The following NAV1 variants were observed in gnomAD, a reference collection of about 807,000 sequenced individuals.
NAV1 encodes the protein pore membrane and/or filament interacting like protein 3.
Under a neutral mutation model 175.2 loss-of-function variants are expected in NAV1, and 18 were observed. The observed-to-expected ratio is 0.10, with a 90% confidence interval of 0.07 to 0.15. NAV1 has a LOEUF of 0.15. NAV1 is among the 10% of genes least tolerant of loss of function. The probability of loss-of-function intolerance (pLI) is 1.00; values close to 1 mark genes in which losing one functional copy is unlikely to be tolerated. For missense variants in NAV1, 1,731 were observed against 2,436.6 expected (o/e 0.71, Z 6.10); for synonymous variants, 897 against 978.7 (o/e 0.92, Z 1.56).
intron 1 of NAV1, among the ~76,000 whole-genome samples, chr1:201,549,482 T>G (rs916053072): frequency 1.3e-5 from 2 of 152,190 alleles, no homozygotes; most frequent in Non-Finnish European, 2.9e-5. Context: ...GTTCTGGGAT[T>G]ACAGGCATGC....
chr1:201,641,624 A>C (rs1558030929), intron 2 of NAV1, among the ~76,000 whole-genome samples: 1 of 152,238 alleles, frequency 6.6e-6, no homozygotes, highest in Non-Finnish European at 1.5e-5. Flanking sequence ...TCTGCTAGGC[A>C]GGTGATGAGG....
intron 1 of NAV1, among the ~76,000 whole-genome samples, chr1:201,657,179 G>A (rs1047850263): frequency 1.1e-4 from 17 of 152,234 alleles, no homozygotes; most frequent in Non-Finnish European, 8.8e-5. Flanking sequence ...CTTGGTAAGT[G>A]AAAGTCATTG....
chr1:201,784,797 T>C (rs537002240), intron 7 of NAV1, among the ~76,000 whole-genome samples: 27 of 151,986 alleles, frequency 1.8e-4, no homozygotes, highest in Non-Finnish European at 3.4e-4. Context: ...GACGGAGTCT[T>C]GCTCTGTCGC....
At chr1:201,790,617 T>C in intron 12 of NAV1, 40 bp downstream of exon 16, 1 of 1,614,038 alleles carries the variant, frequency 6.2e-7, no homozygotes, top group Non-Finnish European at 8.5e-7. Context: ...TTAACATCAC[T>C]GCACCTCATT....
At position 201,812,049 on chromosome 1, in the gene NAV1, A is replaced by T. The variant is rs1031375038; in HGVS notation, c.5024+75A>T. ...CAATCCTGGACTCTGGCCAGGAGGCAGTAGATAGGAGAAGGAAAGAGAAGT... is the reference window on the plus strand; with the variant it reads ...CAATCCTGGACTCTGGCCAGGAGGCTGTAGATAGGAGAAGGAAAGAGAAGT... On this transcript the variant is annotated intron_variant, in intron 26 of 29. Coordinates refer to ENST00000367296, the Ensembl canonical transcript of NAV1. The surrounding 1 kb of genome is among the most constrained non-coding windows in gnomAD (Gnocchi z 4.6). The T allele has an allele frequency of 2.7e-5, 36 of 1,352,642 alleles. No individual in the cohort carries two copies. Among genetic ancestry groups the T allele is most frequent in the Non-Finnish European group, 3.6e-5 (34 of 943,912 alleles). The allele number at this position is 1,352,642 out of a possible 1,614,324, so 83.8% of individuals were successfully genotyped here. A position where few individuals can be genotyped will look rare whatever the true frequency, so the allele number is the denominator to read the frequency against.
chr1:201,699,290 C>T (rs1671313094), intron 1 of NAV1, among the ~76,000 whole-genome samples: 5 of 152,242 alleles, frequency 3.3e-5, no homozygotes, highest in African/African-American at 9.6e-5. Context: ...TTCCTATACA[C>T]CAATAACAGA....
intron 15 of NAV1, among the ~76,000 whole-genome samples, chr1:201,802,307 A>C (rs76300494): frequency 3.7e-5 from 2 of 54,354 alleles, no homozygotes; most frequent in African/African-American, 1.0e-4. Flanking sequence ...CACCTTCTCA[A>C]AAAAAAAAAA....
chr1:201,794,416 T>C (rs1183848014), intron 14 of NAV1, 50 bp from the exon 19 acceptor site: 1 of 1,544,764 alleles, frequency 6.5e-7, no homozygotes, highest in Non-Finnish European at 8.9e-7. Context: ...GCTGGGATTA[T>C]AGGTGTGAGC....
At chr1:201,656,142 G>C (rs181327470) in intron 1 of NAV1, among the ~76,000 whole-genome samples, 1 of 152,318 alleles carries the variant, frequency 6.6e-6, no homozygotes, top group Non-Finnish European at 1.5e-5. Flanking sequence ...AGGCAGCCAG[G>C]GCTCGGCAGG....
At chr1:201,772,413 G>T (rs1675648021) in intron 3 of NAV1, among the ~76,000 whole-genome samples, 1 of 152,178 alleles carries the variant, frequency 6.6e-6, no homozygotes, top group South Asian at 2.1e-4. Context: ...TCCTCATGCA[G>T]GTCTGTATTT....
chr1:201,622,815 T>A (rs2102279340), upstream of NAV1: 1 of 985,174 alleles, frequency 1.0e-6, no homozygotes, highest in African/African-American at 1.7e-5. Flanking sequence ...CTTGTGGGGA[T>A]GTGCCTGACG....
upstream of NAV1, among the ~76,000 whole-genome samples, chr1:201,643,455 A>T (rs1259135554): frequency 2.2e-5 from 3 of 135,732 alleles, no homozygotes; most frequent in Non-Finnish European, 3.0e-5. Flanking sequence ...TTTTTTTGAG[A>T]CAGGGTCTCA....
chr1:201,646,471 T>G (rs1227012613), upstream of NAV1, among the ~76,000 whole-genome samples: 1 of 152,228 alleles, frequency 6.6e-6, no homozygotes, highest in African/African-American at 2.4e-5. Context: ...CCAAGTCTTG[T>G]ATTGTCTACC....
At chr1:201,573,739 T>C (rs1280917116) in intron 1 of NAV1, among the ~76,000 whole-genome samples, 1 of 152,130 alleles carries the variant, frequency 6.6e-6, no homozygotes, top group African/African-American at 2.4e-5. Context: ...CTATTACTAA[T>C]TGGTTTGGGG....
chr1:201,638,080 C>T (rs570114518), intron 2 of NAV1, among the ~76,000 whole-genome samples: 1 of 152,292 alleles, frequency 6.6e-6, no homozygotes, highest in South Asian at 2.1e-4. Context: ...CTAGAAGCCC[C>T]TGAGCAGAGG....
chr1:201,650,523 C>T (rs1021214220), intron 1 of NAV1, among the ~76,000 whole-genome samples: 2 of 152,146 alleles, frequency 1.3e-5, no homozygotes, highest in Non-Finnish European at 2.9e-5. Flanking sequence ...GCAGGCTGCC[C>T]GCCCGCTGGG....
intron 1 of NAV1, among the ~76,000 whole-genome samples, chr1:201,679,184 G>T (rs913807660): frequency 5.9e-5 from 9 of 152,312 alleles, no homozygotes; most frequent in African/African-American, 1.9e-4. Context: ...GGCCCTCAAA[G>T]CACCTTTCTC....
At chr1:201,540,756 A>C (rs910804686) in intron 1 of NAV1, among the ~76,000 whole-genome samples, 11 of 152,206 alleles carry the variant, frequency 7.2e-5, no homozygotes, top group South Asian at 2.1e-4. Flanking sequence ...TTTCACCATC[A>C]GTTTTTAGGG....
chr1:201,666,429 TG>T (rs1669826054), intron 1 of NAV1, among the ~76,000 whole-genome samples: 1 of 151,774 alleles, frequency 6.6e-6, no homozygotes, highest in African/African-American at 2.4e-5. Flanking sequence ...AAAAGACAGA[TG>T]GGGTGGGGGA....
Sources: gnomAD v4.1 joint callset for allele counts (sites outside exome capture counted in the v4.1 genomes callset) on GRCh38, gnomAD v4.1.1 for gene constraint, Gnocchi (gnomAD v3.1) non-coding constraint, MANE v1.5 for transcripts, NCBI Gene and HGNC (gene_info 2026-07-23, HGNC 2026-07-21) for gene names.